CUZD1: variants seen among roughly 807,000 people sequenced by gnomAD.
The protein encoded by CUZD1 is CUB and zona pellucida like domains 1.
In CUZD1, 42 loss-of-function variants were observed where a neutral mutation model predicts 53.1. That is an observed-to-expected ratio of 0.79 (90% CI 0.62 to 1.02). The LOEUF is 1.02. Among genes scored for constraint, CUZD1 ranks in the 50% least tolerant of loss-of-function variants. The probability of loss-of-function intolerance (pLI) is 0.00; values close to 1 mark genes in which losing one functional copy is unlikely to be tolerated. For synonymous variants in CUZD1, 238 were observed against 257.2 expected (o/e 0.93, Z 0.71); for missense variants, 670 against 715.7 (o/e 0.94, Z 0.73).
Position 122,841,254 on chromosome 10 carries a change from T to C in CUZD1, c.157A>G (p.Asn53Asp). 1 of 1,614,072 alleles carries C rather than the reference T, an allele frequency of 6.2e-7. No homozygotes were observed. Among genetic ancestry groups the C allele is most frequent in the Non-Finnish European group, 8.5e-7 (1 of 1,179,950 alleles). The change falls in exon 2 of 9, where the codon AAT becomes GAT. Residue 53 changes from asparagine (N) to aspartate (D), a missense_variant. Coordinates refer to ENST00000392790, the MANE Select transcript of CUZD1 (RefSeq NM_022034.6). Reference sequence around the variant, plus strand: ...GTCCAGGTGCAGTTCTCACTGGGATTGAGTTGCAGGATCATGGCTTTGTGG... The same window carrying C: ...GTCCAGGTGCAGTTCTCACTGGGATCGAGTTGCAGGATCATGGCTTTGTGG... ...ETHKAMILQLNPSENCTWTIE... is the reference protein window; with the variant it reads ...ETHKAMILQLDPSENCTWTIE...
chr10:122,843,398 C>T (rs1847374662), intron 1 of CUZD1, among the ~76,000 whole-genome samples: 1 of 152,174 alleles, frequency 6.6e-6, no homozygotes, highest in South Asian at 2.1e-4. Flanking sequence ...ACATCCTGTA[C>T]ACTTCAAAAC....
chr10:122,839,219 A>G lies in CUZD1; in HGVS notation c.246T>C (p.Asp82=). 1 of 1,613,932 alleles carries G rather than the reference A, an allele frequency of 6.2e-7. No individual in the cohort carries two copies. Among genetic ancestry groups the G allele is most frequent in the East Asian group, 2.2e-5 (1 of 44,882 alleles). Residue 82 remains aspartate (D), a synonymous_variant, in exon 3 of 9, where the codon GAT becomes GAC. Transcript: ENST00000392790. ...TAATGTTTTCACTTTCACAGCTTCCATCTGGATCAAGCCTGTGGAAAAAAC... is the reference window on the plus strand; with the variant it reads ...TAATGTTTTCACTTTCACAGCTTCCGTCTGGATCAAGCCTGTGGAAAAAAC... ...IIFSYVQLDP[D]GSCESENIKV...
At chr10:122,840,148 G>A (rs1474673985) in intron 2 of CUZD1, among the ~76,000 whole-genome samples, 1 of 152,188 alleles carries the variant, frequency 6.6e-6, no homozygotes, top group Non-Finnish European at 1.5e-5. Flanking sequence ...AACCATTCCA[G>A]GAAATTTGAG....
Position 122,845,771 on chromosome 10 carries a change from C to A in CUZD1, c.73G>T (p.Glu25Ter), listed in dbSNP as rs373839789. ...GGTTCAATTTTCTTACCTTCAGCCTCCGCCATTGTCAGCTCCGCCAAACAG... is the reference window on the plus strand; with the variant it reads ...GGTTCAATTTTCTTACCTTCAGCCTACGCCATTGTCAGCTCCGCCAAACAG... ...LSCLAELTMA[E>*]AEGNASCTVS... Residue 25 changes from glutamate to a stop codon, truncating the protein, a stop_gained, in exon 1 of 9, where the codon GAG becomes TAG. Coordinates refer to ENST00000392790, the MANE Select transcript of CUZD1 (RefSeq NM_022034.6). LOFTEE classifies it high-confidence loss of function. 4.8e-5 allele frequency: 78 copies of A among 1,613,712 alleles called. No homozygotes were observed. The East Asian group carries it at 1.4e-3, about 30-fold the overall frequency.
intron 5 of CUZD1, 67 bp from the exon 6 acceptor site, chr10:122,836,417 G>A (rs1246373797): frequency 1.5e-6 from 2 of 1,332,994 alleles, no homozygotes; most frequent in African/African-American, 1.5e-5. Flanking sequence ...GGATCTTGAA[G>A]AGCTACGTGT....
intron 8 of CUZD1, among the ~76,000 whole-genome samples, chr10:122,832,712 A>T (rs1448581974): frequency 6.6e-6 from 1 of 152,168 alleles, no homozygotes; most frequent in African/African-American, 2.4e-5. Flanking sequence ...ACTCAAGCAT[A>T]ACAGTCAAAT....
rs1478691668 is a variant in CUZD1, at chr10:122,834,735, T to C, written c.1353A>G (p.Ala451=). The C allele has an allele frequency of 2.5e-6, 4 of 1,609,936 alleles. No homozygotes were observed. The highest frequency in any genetic ancestry group is 2.7e-5 in the African/African-American group (2 of 74,794). Reference sequence around the variant, plus strand: ...TCTTGATTAGGTCGTAGGTTGGAGATGCAAAGTCAGAGGTGGGAGAGGCTC... The same window carrying C: ...TCTTGATTAGGTCGTAGGTTGGAGACGCAAAGTCAGAGGTGGGAGAGGCTC... ...TCRASPTSDF[A]SPTYDLIKSG... Residue 451 remains alanine (A), a synonymous_variant, in exon 7 of 9, where the codon GCA becomes GCG. Coordinates refer to ENST00000392790, the MANE Select transcript of CUZD1 (RefSeq NM_022034.6).
At position 122,833,893 on chromosome 10, in the gene CUZD1, T is replaced by G. The variant is rs373214846; in HGVS notation, c.1430A>C (p.Tyr477Ser). 8 of 1,613,790 alleles carry G rather than the reference T, an allele frequency of 5.0e-6. No homozygotes were observed. In the South Asian group the frequency reaches 8.8e-5, roughly 18 times the overall value. Residue 477 changes from tyrosine to serine, a missense_variant, in exon 8 of 9, where the codon TAT (tyrosine) becomes TCT (serine). By Grantham distance (144) the Tyr-to-Ser change is moderately radical. Coordinates refer to ENST00000392790, the MANE Select transcript of CUZD1 (RefSeq NM_022034.6). ...TCKVYPLFGH[Y>S]GRFQFNAFKF... ...AAAGGCATTAAACTGGAATCTCCCA[T>G]AGTGTCCAAATAAGGGATACACCTT...
chr10:122,839,002 TA>T lies in CUZD1; in HGVS notation c.448+14del, dbSNP rs1847294748. On this transcript the variant is annotated intron_variant, in intron 3 of 8. Coordinates refer to ENST00000392790, the MANE Select transcript of CUZD1 (RefSeq NM_022034.6). ...GTAGGAGATGTGGGTGAAGGTTGTG[TA>T]AATGAGGACTTACAGATGTTAGGAG... 2 of 1,599,262 alleles carry T rather than the reference TA, an allele frequency of 1.3e-6. No homozygotes were observed. The highest frequency in any genetic ancestry group is 1.3e-5 in the African/African-American group (1 of 74,722).
Position 122,834,709 on chromosome 10 carries a change from C to T in CUZD1, c.1379G>A (p.Ser460Asn), listed in dbSNP as rs778769903. ...FASPTYDLIK[S>N]GCSRDETCKV... ...CATCAGTTACATTAATACATACCCACTCTTGATTAGGTCGTAGGTTGGAGA... is the reference window on the plus strand; with the variant it reads ...CATCAGTTACATTAATACATACCCATTCTTGATTAGGTCGTAGGTTGGAGA... The change falls in exon 7 of 9, where the codon AGT (serine) becomes AAT (asparagine). Residue 460 changes from serine to asparagine, a missense_variant. Physicochemically the swap from Ser to Asn is conservative, Grantham distance 46. Transcript: ENST00000392790. 2.5e-6 allele frequency: 4 copies of T among 1,595,044 alleles called. No homozygotes were observed. In the South Asian group the frequency reaches 3.4e-5, roughly 14 times the overall value.
intron 1 of CUZD1, among the ~76,000 whole-genome samples, chr10:122,843,001 C>T (rs970824356): frequency 1.2e-4 from 19 of 152,192 alleles, no homozygotes; most frequent in African/African-American, 4.3e-4. Flanking sequence ...AATGCTTATA[C>T]ACTGCTTATG....
Position 122,836,899 on chromosome 10 carries a change from T to C in CUZD1, c.749A>G (p.Asp250Gly). 6.2e-7 allele frequency: 1 copy of C among 1,614,090 alleles called. No individual in the cohort carries two copies. ...SNSLTVVLST[D>G]YANSYRGFSA... The stretch of plus-strand genomic sequence containing the variant: ...AAATCCCCGGTAAGAATTGGCATAA[T>C]CTGTAGACAACACGACAGTCAGAGA... The change falls in exon 5 of 9, where the codon GAT becomes GGT. Residue 250 changes from aspartate to glycine, a missense_variant. Asp to Gly is a moderately conservative substitution (Grantham distance 94, BLOSUM62 -1). Transcript: ENST00000392790.
At chr10:122,841,123 C>T in intron 2 of CUZD1, 55 bp downstream of exon 2, 1 of 1,534,208 alleles carries the variant, frequency 6.5e-7, no homozygotes, top group Non-Finnish European at 8.9e-7. Flanking sequence ...CCCTACCCAC[C>T]CCAATGTGGT....
intron 8 of CUZD1, among the ~76,000 whole-genome samples, chr10:122,833,021 A>G (rs564513742): frequency 6.6e-6 from 1 of 152,332 alleles, no homozygotes. Context: ...ATACTCCTTT[A>G]TAGTGCTAAC....
At chr10:122,836,790 C>T (rs375358223) in intron 5 of CUZD1, 41 bp downstream of exon 5, 250 of 1,505,268 alleles carry the variant, frequency 1.7e-4, no homozygotes, top group East Asian at 2.9e-4. Context: ...ATGCAATCTT[C>T]GAAGAGCTCA....
chr10:122,841,137 A>G, intron 2 of CUZD1, 41 bp downstream of exon 2: 1 of 1,573,826 alleles, frequency 6.4e-7, no homozygotes, highest in Middle Eastern at 1.7e-4. Flanking sequence ...ATGTGGTCAG[A>G]GTTCGATATC....
rs558554477 is a variant in CUZD1 at position 122,837,549 on chromosome 10, G to A, written c.454C>T (p.Pro152Ser). The A allele has an allele frequency of 1.3e-6, 2 of 1,565,806 alleles. No individual in the cohort carries two copies. Among genetic ancestry groups the A allele is most frequent in the Non-Finnish European group, 1.7e-6 (2 of 1,160,802 alleles). ...GTATCCAGGTAACCGCCACAGTTTGGAATAGCTGAAATGGATGTGAAGGTG... is the reference window on the plus strand; with the variant it reads ...GTATCCAGGTAACCGCCACAGTTTGAAATAGCTGAAATGGATGTGAAGGTG... The part of the protein sequence containing the change: ...YYFFSPNISI[P>S]NCGGYLDTLE... Residue 152 changes from proline to serine, a missense_variant, in exon 4 of 9, where the codon CCA becomes TCA. By Grantham distance (74) the Pro-to-Ser change is moderately conservative. Transcript: ENST00000392790.
At position 122,839,065 on chromosome 10, in the gene CUZD1, T is replaced by C. The variant is rs763405638; in HGVS notation, c.400A>G (p.Ile134Val). Residue 134 changes from isoleucine (I) to valine (V), a missense_variant, in exon 3 of 9, where the codon ATT (isoleucine) becomes GTT (valine). Transcript: ENST00000392790. ...TFQIVTDSAR[I>V]QRTVFVFYYF... The stretch of plus-strand genomic sequence containing the variant: ...TAGAAGACAAAGACAGTTCTTTGAA[T>C]TCTTGCTGAGTCAGTAACTATTTGA... 6.4e-5 allele frequency: 103 copies of C among 1,614,046 alleles called. 1 individual carries two copies. The South Asian group carries it at 1.1e-3, about 18-fold the overall frequency.
chr10:122,840,122 A>G lies in CUZD1; in HGVS notation c.234-891T>C, dbSNP rs1041013266. On this transcript the variant is annotated intron_variant, in intron 2 of 8. Transcript: ENST00000392790. ...TCTCTTCTTACACAGCAAGAATAGCATATATGTTTCTCAGCAACCATTCCA... is the reference window on the plus strand; with the variant it reads ...TCTCTTCTTACACAGCAAGAATAGCGTATATGTTTCTCAGCAACCATTCCA... Among the ~76,000 whole-genome samples the G allele has an allele frequency of 2.6e-5, 4 of 152,210 alleles. No individual in the cohort carries two copies. The East Asian group carries it at 7.7e-4, about 29-fold the overall frequency.
Sources: allele counts gnomAD v4.1 joint callset (sites outside exome capture counted in the v4.1 genomes callset), GRCh38; gene constraint gnomAD v4.1.1; transcripts MANE v1.5; gene names NCBI Gene and HGNC (gene_info 2026-07-23, HGNC 2026-07-21).